Variants in OSBPL5 observed in about 807,000 individuals in gnomAD.
The protein encoded by OSBPL5 is oxysterol-binding protein-related protein 5.
OSBPL5 carries 71 observed loss-of-function variants against 111.2 expected under a neutral mutation model. That is an observed-to-expected ratio of 0.64 (90% confidence interval 0.53 to 0.78). The LOEUF (loss-of-function observed/expected upper bound fraction) is 0.78, where lower values mean the gene tolerates loss of function less well. Ranked by LOEUF, OSBPL5 falls within the 30% of genes least tolerant of loss-of-function variation. The pLI is 0.00. For missense variants in OSBPL5, 1,210 were observed against 1,189.3 expected (o/e 1.02, Z -0.26); for synonymous variants, 549 against 513.9 (o/e 1.07, Z -0.93).
rs1167264164 is a variant in OSBPL5, at chr11:3,109,121, T to C, written c.692-1176A>G. Among the ~76,000 whole-genome samples the C allele has an allele frequency of 6.6e-6, 1 of 151,446 alleles. No homozygotes were observed. The highest frequency in any genetic ancestry group is 1.5e-5 in the Non-Finnish European group (1 of 67,938). ...TTGTTGTTTTGAGATGGAGTCTCGC[T>C]CTGTCACCCAGGCTGGAGTGCAGTA... On this transcript the variant is annotated intron_variant, in intron 7 of 21. Coordinates refer to ENST00000263650, the MANE Select transcript of OSBPL5 (RefSeq NM_020896.4). The surrounding 1 kb of genome is among the most constrained non-coding windows in gnomAD (Gnocchi z 7.4).
intron 1 of OSBPL5, among the ~76,000 whole-genome samples, chr11:3,147,712 G>A (rs1310323852): frequency 6.6e-6 from 1 of 152,256 alleles, no homozygotes; most frequent in Non-Finnish European, 1.5e-5. Flanking sequence ...GCATTTATGG[G>A]AGTGAGCGTG....
At chr11:3,114,206 A>T (rs1476166528) in intron 7 of OSBPL5, among the ~76,000 whole-genome samples, 1 of 152,230 alleles carries the variant, frequency 6.6e-6, no homozygotes, top group African/African-American at 2.4e-5. Context: ...AAGCTTATTT[A>T]AAGATCATGT....
At chr11:3,089,467 C>T (rs897641767) in intron 21 of OSBPL5, among the ~76,000 whole-genome samples, 9 of 152,206 alleles carry the variant, frequency 5.9e-5, no homozygotes, top group African/African-American at 2.2e-4. Flanking sequence ...CCTGAGAAGC[C>T]ACTGTGCGCA....
At chr11:3,119,473 TG>T in intron 7 of OSBPL5, 73 bp downstream of exon 7, 1 of 1,438,388 alleles carries the variant, frequency 7.0e-7, no homozygotes, top group Non-Finnish European at 9.3e-7. Flanking sequence ...CACCTGTACC[TG>T]GGCTACAACC....
chr11:3,129,950 T>C (rs1858768985), intron 1 of OSBPL5, among the ~76,000 whole-genome samples: 2 of 152,226 alleles, frequency 1.3e-5, no homozygotes, highest in African/African-American at 4.8e-5. Context: ...AGACCTGCCT[T>C]TCCCCTGTGG....
rs1420046619 is a variant in OSBPL5 at position 3,161,138 on chromosome 11, C to T, written c.-22+4078G>A. On this transcript the variant is annotated intron_variant, in intron 1 of 21. Coordinates refer to ENST00000263650, the MANE Select transcript of OSBPL5 (RefSeq NM_020896.4). The surrounding 1 kb of genome is among the most constrained non-coding windows in gnomAD (Gnocchi z 8.0). ...CTCCTCCCTGTTTTCCACTTAAAAT[C>T]CCTAAGAATGTACATATTTAGAAGG... 2.0e-5 allele frequency: 3 copies of T among 152,230 alleles called. No homozygotes were observed. Among genetic ancestry groups the T allele is most frequent in the Non-Finnish European group, 4.4e-5 (3 of 68,044 alleles). The allele number at this position is 152,230 out of a possible 1,614,324, so 9.4% of individuals were successfully genotyped here.
At chr11:3,163,911 T>C (rs1847038015) in intron 1 of OSBPL5, 2 of 152,326 alleles carry the variant, frequency 1.3e-5, no homozygotes, top group African/African-American at 4.8e-5. Context: ...GCCACAAACC[T>C]GCCCGATGCC....
At position 3,142,690 on chromosome 11, in the gene OSBPL5, T is replaced by A. The variant is rs1384457076; in HGVS notation, c.-21-13521A>T. ...GTCTCTCCTCATAGACCCACTCAGG[T>A]GGAGACCTGTCCCTCTGTCTCCGTG... On this transcript the variant is annotated intron_variant, in intron 1 of 21. Coordinates refer to ENST00000263650, the MANE Select transcript of OSBPL5 (RefSeq NM_020896.4). The surrounding 1 kb of genome is among the most constrained non-coding windows in gnomAD (Gnocchi z 7.1). Among the ~76,000 whole-genome samples, 1 of 151,964 alleles carries A rather than the reference T, an allele frequency of 6.6e-6. No individual in the cohort carries two copies. The highest frequency in any genetic ancestry group is 2.1e-4 in the South Asian group (1 of 4,820).
rs1450076777 is a variant in OSBPL5, at chr11:3,102,270, C to A, written c.1338G>T (p.Lys446Asn). Residue 446 changes from lysine (K) to asparagine (N), a missense_variant, in exon 12 of 22, where the codon AAG (lysine) becomes AAT (asparagine). Coordinates refer to ENST00000263650, the MANE Select transcript of OSBPL5 (RefSeq NM_020896.4). ...GFYKKPKGIK[K>N]PYNPILGETF... The stretch of plus-strand genomic sequence containing the variant: ...TCTCCCCCAGGATGGGGTTGTACGG[C>A]TTCTTGATTCCCTGCAGACAACAGA... The A allele has an allele frequency of 3.1e-6, 5 of 1,599,808 alleles. No individual in the cohort carries two copies. Among genetic ancestry groups the A allele is most frequent in the Non-Finnish European group, 4.3e-6 (5 of 1,173,668 alleles).
Position 3,107,673 on chromosome 11 carries a change from C to A in OSBPL5, c.866+98G>T. On this transcript the variant is annotated intron_variant, in intron 8 of 21. Coordinates refer to ENST00000263650, the MANE Select transcript of OSBPL5 (RefSeq NM_020896.4). This position sits in a 1 kb window ranked among gnomAD's most constrained non-coding sequence, Gnocchi z 6.1. The stretch of plus-strand genomic sequence containing the variant: ...CAAGTCCCTGCGTGCAGCCTGCAGC[C>A]CACCAGAGCAGTGGCTGGGGCTGTC... 6.6e-7 allele frequency: 1 copy of A among 1,504,952 alleles called. No homozygotes were observed. Among genetic ancestry groups the A allele is most frequent in the Non-Finnish European group, 9.0e-7 (1 of 1,106,384 alleles). 93.2% of individuals were successfully genotyped at this position (1,504,952 alleles called of 1,614,324 possible). A position where few individuals can be genotyped will look rare whatever the true frequency, so the allele number is the denominator to read the frequency against.
At chr11:3,103,785 TCCCTTCCTGCCTCTGC>T in intron 10 of OSBPL5, among the ~76,000 whole-genome samples, 1 of 55,000 alleles carries the variant, frequency 1.8e-5, no homozygotes, top group South Asian at 6.1e-4. Flanking sequence ...GCCTCTGCAG[TCCCTTCCTGCCTCTGC>T]AGCCCTCTTC....
intron 20 of OSBPL5, 79 bp from the exon 21 acceptor site, chr11:3,090,027 G>A: frequency 1.8e-6 from 2 of 1,096,440 alleles, no homozygotes; most frequent in Non-Finnish European, 1.3e-6. Flanking sequence ...GCTGGCACGT[G>A]GGTCACAGGG....
At chr11:3,115,327 T>C (rs1196569205) in intron 7 of OSBPL5, among the ~76,000 whole-genome samples, 2 of 152,226 alleles carry the variant, frequency 1.3e-5, no homozygotes, top group Non-Finnish European at 2.9e-5. Flanking sequence ...TATTCCGTCC[T>C]TATATCTTCT....
In OSBPL5 at chr11:3,121,209, C is replaced by T. The variant is rs1180392232; in HGVS notation, c.403-585G>A. On this transcript the variant is annotated intron_variant, in intron 5 of 21. Transcript: ENST00000263650. The surrounding 1 kb of genome is among the most constrained non-coding windows in gnomAD (Gnocchi z 4.3). ...AGTAGCTGGGATTACAGGCGCCCGCCACCATGCCTGGCTAATTTCTGTATT... is the reference window on the plus strand; with the variant it reads ...AGTAGCTGGGATTACAGGCGCCCGCTACCATGCCTGGCTAATTTCTGTATT... Among the ~76,000 whole-genome samples, 2 of 152,024 alleles carry T rather than the reference C, an allele frequency of 1.3e-5. No homozygotes were observed. The highest frequency in any genetic ancestry group is 2.9e-5 in the Non-Finnish European group (2 of 68,004).
At position 3,162,945 on chromosome 11, in the gene OSBPL5, C is replaced by T. The variant is rs972286116; in HGVS notation, c.-22+2271G>A. 1.3e-5 allele frequency among the ~76,000 whole-genome samples: 2 copies of T among 152,088 alleles called. No homozygotes were observed. Among genetic ancestry groups the T allele is most frequent in the Non-Finnish European group, 2.9e-5 (2 of 68,040 alleles). On this transcript the variant is annotated intron_variant, in intron 1 of 21. Coordinates refer to ENST00000263650, the MANE Select transcript of OSBPL5 (RefSeq NM_020896.4). The surrounding 1 kb of genome is among the most constrained non-coding windows in gnomAD (Gnocchi z 8.1). The stretch of plus-strand genomic sequence containing the variant: ...TGCACTCCCTGGGCTCCCCTGCCAA[C>T]CCTGCAAGTGGTGGGCACTTCTACC...
intron 19 of OSBPL5, among the ~76,000 whole-genome samples, chr11:3,091,890 T>C (rs554175854): frequency 5.5e-4 from 83 of 152,196 alleles, no homozygotes; most frequent in African/African-American, 2.0e-3. Context: ...CTGCACGCAG[T>C]AGGTGCACGG....
chr11:3,133,522 A>C (rs190916703), intron 1 of OSBPL5, among the ~76,000 whole-genome samples: 232 of 152,266 alleles, frequency 1.5e-3, no homozygotes, highest in African/African-American at 5.0e-3. Flanking sequence ...GAGGCCACCC[A>C]AGGTTGATGT....
chr11:3,094,150 C>T lies in OSBPL5; in HGVS notation c.1719+87G>A, dbSNP rs1048752499. ...ATGTGCACTGCCTTGGGGAACCTTCCTTGGGGCCTGGGGAGAGTGTGAGGG... is the reference window on the plus strand; with the variant it reads ...ATGTGCACTGCCTTGGGGAACCTTCTTTGGGGCCTGGGGAGAGTGTGAGGG... On this transcript the variant is annotated intron_variant, in intron 15 of 21. Transcript: ENST00000263650. The T allele has an allele frequency of 3.8e-6, 5 of 1,332,680 alleles. No individual in the cohort carries two copies. In the Admixed American group the frequency reaches 1.0e-4, roughly 27 times the overall value. The allele number at this position is 1,332,680 out of a possible 1,614,324, so 82.6% of individuals were successfully genotyped here. A position where few individuals can be genotyped will look rare whatever the true frequency, so the allele number is the denominator to read the frequency against.
chr11:3,155,178 G>C (rs1846715475), intron 1 of OSBPL5, among the ~76,000 whole-genome samples: 1 of 152,226 alleles, frequency 6.6e-6, no homozygotes, highest in African/African-American at 2.4e-5. Context: ...GGGCTGCTTA[G>C]TGGTGGAAAC....
Sources: gnomAD v4.1 joint callset for allele counts (sites outside exome capture counted in the v4.1 genomes callset) on GRCh38, gnomAD v4.1.1 for gene constraint, Gnocchi (gnomAD v3.1) non-coding constraint, MANE v1.5 for transcripts, NCBI Gene and HGNC (gene_info 2026-07-23, HGNC 2026-07-21) for gene names.